TEP1: variants seen among roughly 807,000 people sequenced by gnomAD.
TEP1 encodes telomerase protein component 1.
TEP1 carries 241 observed loss-of-function variants against 306.3 expected under a neutral mutation model. That is an observed-to-expected ratio of 0.79 (90% CI 0.71 to 0.88). The LOEUF (loss-of-function observed/expected upper bound fraction) is 0.88, where lower values mean the gene tolerates loss of function less well. TEP1 is among the 40% of genes least tolerant of loss of function. The probability of loss-of-function intolerance (pLI) is 0.00; values close to 1 mark genes in which losing one functional copy is unlikely to be tolerated. For synonymous variants in TEP1, 1,289 were observed against 1,305.5 expected, an observed-to-expected ratio of 0.99 and a Z score of 0.27; for missense variants, 3,051 against 3,276.1, an observed-to-expected ratio of 0.93 and a Z score of 1.68.
At chr14:20,383,705 G>T in intron 25 of TEP1, 38 bp downstream of exon 25, 1 of 1,608,246 alleles carries the variant, frequency 6.2e-7, no homozygotes, top group Non-Finnish European at 8.5e-7. Context: ...GGTGGTACGT[G>T]GGCATCAACA....
Position 20,386,493 on chromosome 14 carries a change from T to C in TEP1, c.2815A>G (p.Ile939Val). ...TCAGTGACGCCCCAGCGGAGGTCGA[T>C]TCCGTGAAGGCTGATACGGTGAGGG... ...AAPHRISLHG[I>V]DLRWGVTEEE... Residue 939 changes from isoleucine to valine, a missense_variant, in exon 19 of 55, where the codon ATC (isoleucine) becomes GTC (valine). This residue lies in a region of TEP1 where 1,507 missense variants were observed against 1,550.5 expected (regional missense o/e 0.97). Transcript: ENST00000262715. The C allele has an allele frequency of 1.9e-6, 3 of 1,612,336 alleles. No individual in the cohort carries two copies. Among genetic ancestry groups the C allele is most frequent in the Non-Finnish European group, 2.5e-6 (3 of 1,179,120 alleles).
chr14:20,407,458 A>G (rs934120305), intron 2 of TEP1, among the ~76,000 whole-genome samples: 3 of 152,174 alleles, frequency 2.0e-5, no homozygotes, highest in Non-Finnish European at 4.4e-5. Flanking sequence ...CTCGTGCCTC[A>G]GCCTCCCAAA....
rs531731738 is a variant in TEP1 at position 20,395,145 on chromosome 14, C to G, written c.1928+305G>C. Among the ~76,000 whole-genome samples the G allele has an allele frequency of 7.6e-4, 116 of 152,248 alleles. 1 individual carries two copies. Among genetic ancestry groups the G allele is most frequent in the African/African-American group, 2.7e-3 (112 of 41,540 alleles). On this transcript the variant is annotated intron_variant, in intron 12 of 54. Transcript: ENST00000262715. ...AGAAAACCATGAATCAGAGCAGAAG[C>G]AGAGAGGACACCAGCATACACCACC...
At chr14:20,412,793 G>C (rs924521345) in intron 1 of TEP1, among the ~76,000 whole-genome samples, 3 of 150,370 alleles carry the variant, frequency 2.0e-5, no homozygotes, top group Non-Finnish European at 3.0e-5. Flanking sequence ...CGAGTAACTG[G>C]GATTACAGGC....
In TEP1 at chr14:20,381,801, C is replaced by A; in HGVS notation, c.4424+112G>T. 6.5e-7 allele frequency: 1 copy of A among 1,539,948 alleles called. No homozygotes were observed. Among genetic ancestry groups the A allele is most frequent in the Non-Finnish European group, 8.7e-7 (1 of 1,145,722 alleles). ...ATAGCGGAAACTGGAGCAGCTGGAG[C>A]AGTAGCTCATTCATGGTCTGGGAGC... On this transcript the variant is annotated intron_variant, in intron 30 of 54. Coordinates refer to ENST00000262715, the MANE Select transcript of TEP1 (RefSeq NM_007110.5). The surrounding 1 kb of genome is among the most constrained non-coding windows in gnomAD (Gnocchi z 4.0).
At position 20,376,918 on chromosome 14, in the gene TEP1, G is replaced by A. The variant is rs115090941; in HGVS notation, c.6088+362C>T. ...GAGAAAGGTGTTAGTGTCTTTAAAA[G>A]GAACAGTGATTTGTGGGCCAGGCGC... On this transcript the variant is annotated intron_variant, in intron 41 of 54. Coordinates refer to ENST00000262715, the MANE Select transcript of TEP1 (RefSeq NM_007110.5). Among the ~76,000 whole-genome samples the A allele has an allele frequency of 7.2e-3, 1,091 of 152,262 alleles. 9 individuals carry two copies. Among genetic ancestry groups the A allele is most frequent in the African/African-American group, 0.025 (1,045 of 41,550 alleles).
Position 20,386,118 on chromosome 14 carries a change from A to G in TEP1, c.2939T>C (p.Ile980Thr), listed in dbSNP as rs778457842. 7 of 1,612,970 alleles carry G rather than the reference A, an allele frequency of 4.3e-6. No homozygotes were observed. The highest frequency in any genetic ancestry group is 3.3e-5 in the South Asian group (3 of 90,832). Residue 980 changes from isoleucine to threonine, a missense_variant, in exon 20 of 55, where the codon ATT becomes ACT. Ile to Thr is a moderately conservative substitution (Grantham distance 89). Around this residue, in one of 3 missense-constraint regions of TEP1, gnomAD observed 1,507 missense variants for 1,550.5 expected, o/e 0.97. Coordinates refer to ENST00000262715, the MANE Select transcript of TEP1 (RefSeq NM_007110.5). ...VGILGSRYGY[I>T]PPSYNLPDHP... is the part of the protein sequence containing the mutation. ...GTCAGGAAGGTTGTAGCTGGGGGGA[A>G]TGTATCCATAACGGGAGCCCAGAAT... is the stretch of plus-strand genomic sequence containing the variant.
chr14:20,381,528 C>T lies in TEP1; in HGVS notation c.4558+25G>A. On this transcript the variant is annotated intron_variant, in intron 31 of 54. Coordinates refer to ENST00000262715, the MANE Select transcript of TEP1 (RefSeq NM_007110.5). The surrounding 1 kb of genome is among the most constrained non-coding windows in gnomAD (Gnocchi z 4.0). ...CAGGCCCAAGCCCCACACTCAGTGC[C>T]CAGGCTGACTTGGGCTGCAATCACC... The T allele has an allele frequency of 6.2e-7, 1 of 1,613,222 alleles. No individual in the cohort carries two copies. The highest frequency in any genetic ancestry group is 8.5e-7 in the Non-Finnish European group (1 of 1,180,008).
At chr14:20,407,676 C>T (rs889878510) in intron 2 of TEP1, among the ~76,000 whole-genome samples, 197 bp downstream of exon 2, 1 of 152,200 alleles carries the variant, frequency 6.6e-6, no homozygotes, top group East Asian at 1.9e-4. Flanking sequence ...TGCACAATAT[C>T]TCCAATGTAG....
chr14:20,380,018 G>A lies in TEP1; in HGVS notation c.5039C>T (p.Thr1680Ile). ...CCCATTGGTGGAGAAGGCCACAGCA[G>A]TAGGGGATGAGGAAACTGCCAGAGA... ...SLSLAVSSSP[T>I]AVAFSTNGQR... Residue 1680 changes from threonine to isoleucine, a missense_variant, in exon 35 of 55, where the codon ACT becomes ATT. Coordinates refer to ENST00000262715, the MANE Select transcript of TEP1 (RefSeq NM_007110.5). The A allele has an allele frequency of 6.2e-7, 1 of 1,614,112 alleles. No homozygotes were observed.
rs1884991512 is a variant in TEP1 at position 20,373,601 on chromosome 14, C to T, written c.6605-18G>A. 1.2e-6 allele frequency: 2 copies of T among 1,614,060 alleles called. No individual in the cohort carries two copies. Among genetic ancestry groups the T allele is most frequent in the Non-Finnish European group, 1.7e-6 (2 of 1,180,034 alleles). ...CTGTCCAGCTGATAAGACACAGAGA[C>T]TGAGTCAGAAGAAGGGACGGAGCAG... On this transcript the variant is annotated intron_variant, in intron 45 of 54. Transcript: ENST00000262715.
chr14:20,381,818 T>C lies in TEP1; in HGVS notation c.4424+95A>G. The C allele has an allele frequency of 6.4e-7, 1 of 1,550,974 alleles. No homozygotes were observed. The highest frequency in any genetic ancestry group is 8.7e-7 in the Non-Finnish European group (1 of 1,150,970). ...AGCTGGAGCAGTAGCTCATTCATGG[T>C]CTGGGAGCCAGTTGTTGAAGCTATA... is the stretch of plus-strand genomic sequence containing the variant. On this transcript the variant is annotated intron_variant, in intron 30 of 54. Coordinates refer to ENST00000262715, the MANE Select transcript of TEP1 (RefSeq NM_007110.5). The surrounding 1 kb of genome is among the most constrained non-coding windows in gnomAD (Gnocchi z 4.0).
Position 20,368,420 on chromosome 14 carries a change from T to G in TEP1, c.*17A>C. 2.5e-6 allele frequency: 4 copies of G among 1,613,406 alleles called. No homozygotes were observed. The highest frequency in any genetic ancestry group is 3.4e-6 in the Non-Finnish European group (4 of 1,179,388). On this transcript the variant is annotated 3_prime_UTR_variant, in exon 55 of 55. Coordinates refer to ENST00000262715, the MANE Select transcript of TEP1 (RefSeq NM_007110.5). Reference sequence around the variant, plus strand: ...TCTCTAGCACAAGGGGTATCATTATTCCCGAGTGGCACATCTTCATTCCCA... The same window carrying G: ...TCTCTAGCACAAGGGGTATCATTATGCCCGAGTGGCACATCTTCATTCCCA...
Position 20,373,522 on chromosome 14 carries a change from T to A in TEP1, c.6666A>T (p.Leu2222Phe). The change falls in exon 46 of 55, where the codon TTA becomes TTT. Residue 2222 changes from leucine (L) to phenylalanine (F), a missense_variant. By Grantham distance (22) the Leu-to-Phe change is conservative. Around this residue, in one of 3 missense-constraint regions of TEP1, gnomAD observed 1,540 missense variants for 1,705.9 expected, o/e 0.90. Coordinates refer to ENST00000262715, the MANE Select transcript of TEP1 (RefSeq NM_007110.5). ...VTVGLDGATR[L>F]WHPLLVCQTH... ...AGGAACTCACCAAGAGTGGATGCCATAACCGTGTGGCCCCATCTAGCCCGA... is the reference window on the plus strand; with the variant it reads ...AGGAACTCACCAAGAGTGGATGCCAAAACCGTGTGGCCCCATCTAGCCCGA... 6.2e-7 allele frequency: 1 copy of A among 1,614,182 alleles called. No individual in the cohort carries two copies. The highest frequency in any genetic ancestry group is 2.2e-5 in the East Asian group (1 of 44,892).
Position 20,380,318 on chromosome 14 carries a change from T to C in TEP1, c.4920A>G (p.Gln1640=). The change falls in exon 34 of 55, where the codon CAA becomes CAG. Residue 1640 remains glutamine (Q), a synonymous_variant. Transcript: ENST00000262715. The stretch of plus-strand genomic sequence containing the variant: ...GCCATCTCCGGGAGAGCAGCGAGGC[T>C]TGGTGGCAAAGAGGTGAGTCCAGGG... ...NQPLDSPLCH[Q]ASLLSRRWHL... 6.2e-7 allele frequency: 1 copy of C among 1,614,154 alleles called. No individual in the cohort carries two copies. The highest frequency in any genetic ancestry group is 8.5e-7 in the Non-Finnish European group (1 of 1,180,024).
At chr14:20,400,465 A>C (rs957920164) in intron 9 of TEP1, among the ~76,000 whole-genome samples, 1 of 149,530 alleles carries the variant, frequency 6.7e-6, no homozygotes, top group Non-Finnish European at 1.5e-5. Flanking sequence ...GTAAAAAACG[A>C]AAGAAAGAGC....
intron 43 of TEP1, among the ~76,000 whole-genome samples, 169 bp from the exon 44 acceptor site, chr14:20,374,705 T>G (rs935264462): frequency 6.6e-6 from 1 of 152,204 alleles, no homozygotes; most frequent in Non-Finnish European, 1.5e-5. Context: ...GGTCTGTTTC[T>G]CTTTCTGAGC....
intron 44 of TEP1, among the ~76,000 whole-genome samples, 183 bp downstream of exon 44, chr14:20,374,246 T>C (rs1349570524): frequency 6.6e-6 from 1 of 152,090 alleles, no homozygotes; most frequent in Non-Finnish European, 1.5e-5. Flanking sequence ...TGTACCATGG[T>C]ACCCAGCTAA....
At position 20,369,570 on chromosome 14, in the gene TEP1, G is replaced by A. The variant is rs369842272; in HGVS notation, c.7430C>T (p.Ser2477Leu). The A allele has an allele frequency of 3.1e-6, 5 of 1,614,016 alleles. No individual in the cohort carries two copies. Among genetic ancestry groups the A allele is most frequent in the Non-Finnish European group, 4.2e-6 (5 of 1,180,014 alleles). ...CCCATCAGAGCTGGCACACAAAAAT[G>A]AGGACTCTGCCATTTTAAGGACAGA... ...ITQAKPESES[S>L]FLCASSDGIL... The change falls in exon 53 of 55, where the codon TCA becomes TTA. Residue 2477 changes from serine (S) to leucine (L), a missense_variant. Coordinates refer to ENST00000262715, the MANE Select transcript of TEP1 (RefSeq NM_007110.5).
Sources: allele counts gnomAD v4.1 joint callset (sites outside exome capture counted in the v4.1 genomes callset), GRCh38; gene constraint gnomAD v4.1.1; regional missense constraint gnomAD v4.1.1; non-coding constraint Gnocchi (gnomAD v3.1); transcripts MANE v1.5; gene names NCBI Gene and HGNC (gene_info 2026-07-23, HGNC 2026-07-21).